The following LOXL2 variants were observed in gnomAD, a reference collection of about 807,000 sequenced individuals.
The protein encoded by LOXL2 is lysyl oxidase like 2.
A neutral mutation model predicts 93.0 loss-of-function variants in LOXL2; 70 were observed. That is an observed-to-expected ratio of 0.75 (90% CI 0.62 to 0.92). The LOEUF is 0.92. Ranked by LOEUF, LOXL2 falls within the 40% of genes least tolerant of loss-of-function variation. The probability of loss-of-function intolerance (pLI) is 0.00; values close to 1 mark genes in which losing one functional copy is unlikely to be tolerated. For synonymous variants in LOXL2, 438 were observed against 413.2 expected (o/e 1.06, Z -0.73); for missense variants, 973 against 1,054.9 (o/e 0.92, Z 1.08).
At chr8:23,315,076 G>A (rs1165244208) in intron 9 of LOXL2, among the ~76,000 whole-genome samples, 1 of 152,132 alleles carries the variant, frequency 6.6e-6, no homozygotes, top group Non-Finnish European at 1.5e-5. Flanking sequence ...GCTTTGGGGA[G>A]GGGAGAGGAG....
intron 10 of LOXL2, among the ~76,000 whole-genome samples, chr8:23,304,401 G>C (rs1001132261): frequency 6.6e-6 from 1 of 152,234 alleles, no homozygotes; most frequent in Admixed American, 6.5e-5. Flanking sequence ...GGGGCTGAAG[G>C]AAGGAGGTTG....
chr8:23,351,959 C>T (rs1006587244), intron 3 of LOXL2, among the ~76,000 whole-genome samples: 1 of 152,190 alleles, frequency 6.6e-6, no homozygotes, highest in African/African-American at 2.4e-5. Flanking sequence ...TACAGGTGTA[C>T]ACCACCATGC....
chr8:23,305,683 G>C (rs1299399429), intron 10 of LOXL2, among the ~76,000 whole-genome samples: 1 of 152,196 alleles, frequency 6.6e-6, no homozygotes, highest in Non-Finnish European at 1.5e-5. Context: ...AGTTAGGGAA[G>C]CATGGACTTG....
Position 23,320,046 on chromosome 8 carries a change from G to C in LOXL2, c.1309C>G (p.Leu437Val), listed in dbSNP as rs1257366525. 3.1e-6 allele frequency: 5 copies of C among 1,613,948 alleles called. No homozygotes were observed. Among genetic ancestry groups the C allele is most frequent in the Non-Finnish European group, 4.2e-6 (5 of 1,179,936 alleles). ...TCGTAGGGATTGCGGCCGCCGTTCAGGCGCAGCTGCAGACACAAAGGCAGG... is the reference window on the plus strand; with the variant it reads ...TCGTAGGGATTGCGGCCGCCGTTCACGCGCAGCTGCAGACACAAAGGCAGG... ...PAMGLQKKLR[L>V]NGGRNPYEGR... Residue 437 changes from leucine (L) to valine (V), a missense_variant, in exon 8 of 14, where the codon CTG (leucine) becomes GTG (valine). Leu to Val is a conservative substitution (Grantham distance 32). Transcript: ENST00000389131.
intron 3 of LOXL2, among the ~76,000 whole-genome samples, chr8:23,347,563 T>A (rs113075337): frequency 0.29 from 43,802 of 151,766 alleles, 8,120 homozygotes; most frequent in African/African-American, 0.53. Context: ...GGCAGGAAAA[T>A]CGCTTGAACC....
chr8:23,299,061 G>C, intron 12 of LOXL2, 114 bp from the exon 13 acceptor site: 1 of 663,302 alleles, frequency 1.5e-6, no homozygotes, highest in African/African-American at 1.8e-5. Context: ...CAGGTGCCGG[G>C]ACCCAAGACG....
chr8:23,315,465 G>T (rs1006267691), intron 9 of LOXL2, among the ~76,000 whole-genome samples: 10 of 152,184 alleles, frequency 6.6e-5, no homozygotes, highest in African/African-American at 2.4e-4. Flanking sequence ...CCTAAGCTGT[G>T]GAGCATTCTG....
chr8:23,347,526 T>C (rs1260589503), intron 3 of LOXL2, among the ~76,000 whole-genome samples: 3 of 152,076 alleles, frequency 2.0e-5, no homozygotes, highest in Admixed American at 2.0e-4. Context: ...GCCAGACATC[T>C]GTAATCCCAG....
chr8:23,343,473 T>C (rs1226331035), intron 3 of LOXL2, among the ~76,000 whole-genome samples: 1 of 152,188 alleles, frequency 6.6e-6, no homozygotes, highest in Non-Finnish European at 1.5e-5. Flanking sequence ...CAAGCCGGGC[T>C]GGAAGGCAGG....
intron 3 of LOXL2, among the ~76,000 whole-genome samples, chr8:23,349,581 G>C (rs536960803): frequency 2.9e-4 from 44 of 151,338 alleles, no homozygotes; most frequent in African/African-American, 9.5e-4. Context: ...ACGTCCACAC[G>C]TTTGATTTCT....
chr8:23,339,588 G>C (rs531029290), intron 4 of LOXL2, among the ~76,000 whole-genome samples: 44 of 152,360 alleles, frequency 2.9e-4, no homozygotes, highest in African/African-American at 1.0e-3. Context: ...GCTTAGAACA[G>C]CAGCCAGGCT....
At chr8:23,340,532 A>G (rs79656271) in intron 4 of LOXL2, among the ~76,000 whole-genome samples, 3,091 of 152,298 alleles carry the variant, frequency 0.02, 107 homozygotes, top group East Asian at 0.13. Flanking sequence ...CAGTGTCTCA[A>G]TTACCTGCTG....
intron 3 of LOXL2, among the ~76,000 whole-genome samples, chr8:23,348,399 G>A (rs1279801307): frequency 1.1e-4 from 16 of 151,482 alleles, no homozygotes; most frequent in Non-Finnish European, 2.4e-4. Context: ...AGAACTTAAA[G>A]TATAATAACA....
intron 9 of LOXL2, 99 bp downstream of exon 9, chr8:23,316,850 G>A: frequency 8.2e-7 from 1 of 1,219,542 alleles, no homozygotes; most frequent in Non-Finnish European, 1.1e-6. Flanking sequence ...TTCCTCTATT[G>A]CTTGGCTCAT....
intron 2 of LOXL2, 53 bp downstream of exon 2, chr8:23,367,944 A>G: frequency 6.8e-7 from 1 of 1,479,960 alleles, no homozygotes. Flanking sequence ...AGGGAAGGCC[A>G]CTCCGGGCCT....
intron 3 of LOXL2, among the ~76,000 whole-genome samples, chr8:23,346,603 G>A (rs1803991194): frequency 6.6e-6 from 1 of 152,208 alleles, no homozygotes; most frequent in Non-Finnish European, 1.5e-5. Context: ...GCGATAGTCT[G>A]GGGCTGTCGC....
intron 10 of LOXL2, among the ~76,000 whole-genome samples, chr8:23,304,533 G>T (rs1803196920): frequency 6.6e-6 from 1 of 152,212 alleles, no homozygotes; most frequent in South Asian, 2.1e-4. Context: ...AAGGTGCCAA[G>T]TCATGGGAGC....
At position 23,303,340 on chromosome 8, in the gene LOXL2, G is replaced by A. The variant is rs772874397; in HGVS notation, c.1938C>T (p.Thr646=). The part of the protein sequence containing the change: ...THYDLLNLNG[T]KVAEGHKASF... ...TGGCCTTGTGGCCCTCTGCCACCTT[G>A]GTGCCATTGAGGTTCAGCAGGTCAT... The change falls in exon 11 of 14, where the codon ACC becomes ACT. Residue 646 remains threonine (T), a synonymous_variant. Transcript: ENST00000389131. 121 of 1,613,620 alleles carry A rather than the reference G, an allele frequency of 7.5e-5. No individual in the cohort carries two copies. Among genetic ancestry groups the A allele is most frequent in the Non-Finnish European group, 1.0e-4 (119 of 1,179,910 alleles).
In LOXL2 at chr8:23,346,749, G is replaced by A. The variant is rs576210656; in HGVS notation, c.532-5546C>T. Among the ~76,000 whole-genome samples the A allele has an allele frequency of 1.8e-4, 27 of 152,300 alleles. No homozygotes were observed. In the South Asian group the frequency reaches 2.5e-3, roughly 14 times the overall value. The stretch of plus-strand genomic sequence containing the variant: ...GCTCTAAACTCTCAGCACCAGGCAC[G>A]TTGTCTTAGCTCAGTGGTTGTTCTC... On this transcript the variant is annotated intron_variant, in intron 3 of 13. Transcript: ENST00000389131.
Sources: gnomAD v4.1 joint callset for allele counts (sites outside exome capture counted in the v4.1 genomes callset) on GRCh38, gnomAD v4.1.1 for gene constraint, MANE v1.5 for transcripts, NCBI Gene and HGNC (gene_info 2026-07-23, HGNC 2026-07-21) for gene names.